Variants in C22orf39 observed in about 807,000 individuals in gnomAD.
C22orf39 encodes the protein synaptic plasticity regulator PANTS.
Under a neutral mutation model 18.3 loss-of-function variants are expected in C22orf39, and 20 were observed. The observed-to-expected ratio is 1.09, with a 90% CI of 0.77 to 1.59. C22orf39 has a LOEUF of 1.59. Ranked by LOEUF, C22orf39 falls within the 40% of genes most tolerant of loss-of-function variation. C22orf39 has a pLI of 0.00. For synonymous variants in C22orf39, 63 were observed against 59.6 expected (o/e 1.06, Z -0.26); for missense variants, 195 against 156.1 (o/e 1.25, Z -1.33).
Position 19,443,481 on chromosome 22 carries a change from TA to T in C22orf39, c.*783del. The T allele has an allele frequency of 1.0e-6, 1 of 985,852 alleles. No individual in the cohort carries two copies. Among genetic ancestry groups the T allele is most frequent in the Non-Finnish European group, 1.2e-6 (1 of 829,904 alleles). The allele number at this position is 985,852 out of a possible 1,614,324, so 61.1% of individuals were successfully genotyped here. A position where few individuals can be genotyped will look rare whatever the true frequency, so the allele number is the denominator to read the frequency against. Reference sequence around the variant, plus strand: ...ACACAAAATCTAACAAGTGTGAACTTAATTTTCAGCTTCTATTTGAAATCAG... The same window carrying T: ...ACACAAAATCTAACAAGTGTGAACTTATTTTCAGCTTCTATTTGAAATCAG... On this transcript the variant is annotated 3_prime_UTR_variant, in exon 3 of 3. Transcript: ENST00000399562.
chr22:19,443,132 G>T lies in C22orf39; in HGVS notation c.*1133C>A. The T allele has an allele frequency of 1.2e-6, 1 of 862,526 alleles. No homozygotes were observed. The highest frequency in any genetic ancestry group is 1.4e-6 in the Non-Finnish European group (1 of 722,026). The allele number at this position is 862,526 out of a possible 1,614,324, so 53.4% of individuals were successfully genotyped here. Reference sequence around the variant, plus strand: ...GACACAGGGGCTCTTAGGGAGCACAGGAGAAAACACACTCAAGCAGGGAAA... The same window carrying T: ...GACACAGGGGCTCTTAGGGAGCACATGAGAAAACACACTCAAGCAGGGAAA... On this transcript the variant is annotated 3_prime_UTR_variant, in exon 3 of 3. Coordinates refer to ENST00000399562, the MANE Select transcript of C22orf39 (RefSeq NM_173793.5).
chr22:19,447,573 G>A (rs774440965), intron 1 of C22orf39, 28 bp from the exon 2 acceptor site: 4 of 1,405,066 alleles, frequency 2.8e-6, no homozygotes, highest in Admixed American at 3.5e-5. Flanking sequence ...GCCTGAGCGG[G>A]GCCCGGCGGC....
chr22:19,441,916 T>A lies in C22orf39; in HGVS notation c.*2349A>T. ...CTCAAACAATCCTCCTATCTCAGCC[T>A]CCGAAGTAGCTGGAACTACAAATGC... On this transcript the variant is annotated 3_prime_UTR_variant, in exon 3 of 3. Coordinates refer to ENST00000399562, the MANE Select transcript of C22orf39 (RefSeq NM_173793.5). The A allele has an allele frequency of 1.2e-5, 6 of 515,132 alleles. No individual in the cohort carries two copies. The highest frequency in any genetic ancestry group is 3.8e-5 in the Admixed American group (1 of 26,010). 31.9% of individuals were successfully genotyped at this position (515,132 alleles called of 1,614,324 possible). A position where few individuals can be genotyped will look rare whatever the true frequency, so the allele number is the denominator to read the frequency against.
At position 19,441,588 on chromosome 22, in the gene C22orf39, G is replaced by A; in HGVS notation, c.*2677C>T. On this transcript the variant is annotated 3_prime_UTR_variant, in exon 3 of 3. Transcript: ENST00000399562. ...CTGTTGCCCAGGCTGGAGTGCAGTG[G>A]CACGATCATAGCTGACTGCAACCTC... is the stretch of plus-strand genomic sequence containing the variant. 1 of 784,766 alleles carries A rather than the reference G, an allele frequency of 1.3e-6. No homozygotes were observed. Among genetic ancestry groups the A allele is most frequent in the Admixed American group, 2.0e-5 (1 of 49,430 alleles). 48.6% of individuals were successfully genotyped at this position (784,766 alleles called of 1,614,324 possible). A position where few individuals can be genotyped will look rare whatever the true frequency, so the allele number is the denominator to read the frequency against.
chr22:19,443,982 G>T lies in C22orf39; in HGVS notation c.*283C>A. On this transcript the variant is annotated 3_prime_UTR_variant, in exon 3 of 3. Coordinates refer to ENST00000399562, the MANE Select transcript of C22orf39 (RefSeq NM_173793.5). ...GGACCGCCATCTCCTATGCTACCAT[G>T]CCCAGCCTGACCTGGCTGCTCACAA... The T allele has an allele frequency of 8.5e-7, 1 of 1,175,306 alleles. No individual in the cohort carries two copies. The highest frequency in any genetic ancestry group is 1.1e-6 in the Non-Finnish European group (1 of 951,168). 72.8% of individuals were successfully genotyped at this position (1,175,306 alleles called of 1,614,324 possible).
At position 19,444,076 on chromosome 22, in the gene C22orf39, T is replaced by C. The variant is rs2089627509; in HGVS notation, c.*189A>G. ...GCAATTGTCCTGCAGAACATCGCAG[T>C]GTCAGGGTATCCTGCATGCAGGTGA... On this transcript the variant is annotated 3_prime_UTR_variant, in exon 3 of 3. Transcript: ENST00000399562. 3.0e-6 allele frequency: 4 copies of C among 1,326,952 alleles called. No homozygotes were observed. In the South Asian group the frequency reaches 8.5e-5, roughly 28 times the overall value. The allele number at this position is 1,326,952 out of a possible 1,614,324, so 82.2% of individuals were successfully genotyped here.
In C22orf39 at chr22:19,441,183, C is replaced by T. The variant is rs2089610560; in HGVS notation, c.*3082G>A. On this transcript the variant is annotated 3_prime_UTR_variant, in exon 3 of 3. Coordinates refer to ENST00000399562, the MANE Select transcript of C22orf39 (RefSeq NM_173793.5). ...AGATGGTTTTCAACACCACAGGACT[C>T]CCTCGTATGAACCACCCCCTCACCA... 6.3e-6 allele frequency: 1 copy of T among 158,904 alleles called. No individual in the cohort carries two copies. Among genetic ancestry groups the T allele is most frequent in the African/African-American group, 2.4e-5 (1 of 41,500 alleles). The allele number at this position is 158,904 out of a possible 1,614,324, so 9.8% of individuals were successfully genotyped here.
rs778267166 is a variant in C22orf39 at position 19,443,078 on chromosome 22, A to AACCCCC, written c.*1181_*1186dup. On this transcript the variant is annotated 3_prime_UTR_variant, in exon 3 of 3. Transcript: ENST00000399562. ...CCTGCTCTTGGGATCCCGTGAGCACAACCCCCACCCCCACCCCCACTGTTC... is the reference window on the plus strand; with the variant it reads ...CCTGCTCTTGGGATCCCGTGAGCACAACCCCCACCCCCACCCCCACCCCCACTGTTC... 3.3e-6 allele frequency: 2 copies of AACCCCC among 602,458 alleles called. No individual in the cohort carries two copies. Among genetic ancestry groups the AACCCCC allele is most frequent in the Non-Finnish European group, 4.1e-6 (2 of 482,106 alleles). 37.3% of individuals were successfully genotyped at this position (602,458 alleles called of 1,614,324 possible).
chr22:19,446,959 G>A (rs886129351), intron 2 of C22orf39, among the ~76,000 whole-genome samples: 16 of 152,044 alleles, frequency 1.1e-4, no homozygotes, highest in African/African-American at 3.9e-4. Flanking sequence ...GGCCCGCCAG[G>A]TCCCTGGTAT....
chr22:19,446,661 T>G (rs2089641196), intron 2 of C22orf39, among the ~76,000 whole-genome samples: 1 of 152,168 alleles, frequency 6.6e-6, no homozygotes, highest in Non-Finnish European at 1.5e-5. Context: ...CTGTAATATA[T>G]TCTCTACACC....
At chr22:19,445,700 A>G (rs1440910772) in intron 2 of C22orf39, among the ~76,000 whole-genome samples, 1 of 151,704 alleles carries the variant, frequency 6.6e-6, no homozygotes. Flanking sequence ...CTTGAGAGGG[A>G]GTCTTACTCT....
chr22:19,443,639 T>C lies in C22orf39; in HGVS notation c.*626A>G, dbSNP rs1601878092. 2.0e-6 allele frequency: 2 copies of C among 985,382 alleles called. No homozygotes were observed. The highest frequency in any genetic ancestry group is 2.4e-6 in the Non-Finnish European group (2 of 829,908). 61.0% of individuals were successfully genotyped at this position (985,382 alleles called of 1,614,324 possible). ...TCTTTATGCAAGGTTGTGTGTTCTG[T>C]AGCTGTGTGCATTTCTTAAAAACCA... On this transcript the variant is annotated 3_prime_UTR_variant, in exon 3 of 3. Coordinates refer to ENST00000399562, the MANE Select transcript of C22orf39 (RefSeq NM_173793.5).
Position 19,441,806 on chromosome 22 carries a change from AT to A in C22orf39, c.*2458del. 1 of 1,381,244 alleles carries A rather than the reference AT, an allele frequency of 7.2e-7. No homozygotes were observed. The allele number at this position is 1,381,244 out of a possible 1,614,324, so 85.6% of individuals were successfully genotyped here. On this transcript the variant is annotated 3_prime_UTR_variant, in exon 3 of 3. Transcript: ENST00000399562. The stretch of plus-strand genomic sequence containing the variant: ...AATTACCACCATTTTATTTTTATTT[AT>A]TTTGAGACAGGATATTGCTCTGTCA...
Position 19,443,429 on chromosome 22 carries a change from A to G in C22orf39, c.*836T>C. ...CAAGAGAATAAGCATACAAATTTCT[A>G]ATACTGTCCAGGTACAACACTGTTA... On this transcript the variant is annotated 3_prime_UTR_variant, in exon 3 of 3. Coordinates refer to ENST00000399562, the MANE Select transcript of C22orf39 (RefSeq NM_173793.5). 1 of 985,854 alleles carries G rather than the reference A, an allele frequency of 1.0e-6. No homozygotes were observed. The highest frequency in any genetic ancestry group is 1.2e-6 in the Non-Finnish European group (1 of 829,926). The allele number at this position is 985,854 out of a possible 1,614,324, so 61.1% of individuals were successfully genotyped here. A position where few individuals can be genotyped will look rare whatever the true frequency, so the allele number is the denominator to read the frequency against.
rs1328948436 is a variant in C22orf39 at position 19,447,703 on chromosome 22, C to T, written c.-15G>A. The T allele has an allele frequency of 6.2e-7, 1 of 1,606,448 alleles. No homozygotes were observed. The highest frequency in any genetic ancestry group is 1.7e-5 in the Admixed American group (1 of 59,576). ...CCGTCCGCCATGTCTGGGCGACCGG[C>T]GCGCCAAGCCCGCCCCTCAGTCCGC... On this transcript the variant is annotated 5_prime_UTR_variant, in exon 1 of 3. Coordinates refer to ENST00000399562, the MANE Select transcript of C22orf39 (RefSeq NM_173793.5).
In C22orf39 at chr22:19,444,357, G is replaced by A. The variant is rs765469124; in HGVS notation, c.226C>T (p.Arg76Trp). Residue 76 changes from arginine to tryptophan, a missense_variant, in exon 3 of 3, where the codon CGG becomes TGG. Arg to Trp is a moderately radical substitution (Grantham distance 101). Transcript: ENST00000399562. ...SLCESERARV[R>W]AARKHILVWA... ...ACCAGGATGTGCTTCCGTGCAGCCC[G>A]GACTCGTGCCCGCTCGCTCTCACAG... 108 of 1,599,752 alleles carry A rather than the reference G, an allele frequency of 6.8e-5. No homozygotes were observed. The highest frequency in any genetic ancestry group is 8.4e-5 in the Non-Finnish European group (99 of 1,174,814).
chr22:19,447,211 C>T (rs1431972598), intron 2 of C22orf39, among the ~76,000 whole-genome samples, 167 bp downstream of exon 2: 2 of 152,218 alleles, frequency 1.3e-5, no homozygotes, highest in Non-Finnish European at 2.9e-5. Flanking sequence ...CTCTGAAAGT[C>T]CTGTTGATAT....
chr22:19,447,680 G>A lies in C22orf39; in HGVS notation c.9C>T (p.Asp3=), dbSNP rs371689783. 6.8e-6 allele frequency: 11 copies of A among 1,610,486 alleles called. No individual in the cohort carries two copies. Among genetic ancestry groups the A allele is most frequent in the East Asian group, 2.2e-5 (1 of 44,716 alleles). Residue 3 remains aspartate (D), a synonymous_variant, in exon 1 of 3, where the codon GAC becomes GAT. Transcript: ENST00000399562. The part of the protein sequence containing the change: MA[D]GSGWQPPRPC... ...GCACACTCACCTGCCAGCCGCTGCC[G>A]TCCGCCATGTCTGGGCGACCGGCGC...
chr22:19,447,657 A>C lies in C22orf39; in HGVS notation c.24+8T>G, dbSNP rs762939205. On this transcript the variant is annotated splice_region_variant and intron_variant, in intron 1 of 2. Transcript: ENST00000399562. Reference sequence around the variant, plus strand: ...CGGTGGTTCCCGGCTCCGACCCAGCACACTCACCTGCCAGCCGCTGCCGTC... The same window carrying C: ...CGGTGGTTCCCGGCTCCGACCCAGCCCACTCACCTGCCAGCCGCTGCCGTC... 1.1e-5 allele frequency: 18 copies of C among 1,610,492 alleles called. No individual in the cohort carries two copies. The highest frequency in any genetic ancestry group is 1.4e-5 in the Non-Finnish European group (17 of 1,178,808).
Sources: gnomAD v4.1 joint callset for allele counts (sites outside exome capture counted in the v4.1 genomes callset) on GRCh38, gnomAD v4.1.1 for gene constraint, MANE v1.5 for transcripts, NCBI Gene and HGNC (gene_info 2026-07-23, HGNC 2026-07-21) for gene names.